Variants in CLASRP observed in about 807,000 individuals in gnomAD.
The protein encoded by CLASRP is CLK4-associating serine/arginine rich protein.
CLASRP carries 52 observed loss-of-function variants against 99.9 expected under a neutral mutation model. That is an observed-to-expected ratio of 0.52 (90% CI 0.42 to 0.66). The LOEUF is 0.66. CLASRP is among the 30% of genes least tolerant of loss of function. CLASRP has a pLI of 0.00. For synonymous variants in CLASRP, 379 were observed against 373.0 expected (o/e 1.02, Z -0.18); for missense variants, 848 against 999.2 (o/e 0.85, Z 2.04).
chr19:45,046,958 C>A lies in CLASRP; in HGVS notation c.100-5113C>A, dbSNP rs145093284. 1.2e-3 allele frequency among the ~76,000 whole-genome samples: 181 copies of A among 152,132 alleles called. 1 individual carries two copies. Among genetic ancestry groups the A allele is most frequent in the African/African-American group, 4.2e-3 (176 of 41,508 alleles). ...AGGAGAATCGCTTGAACCCGGGAGG[C>A]AGAGATTGTGGTTAGCCTAGATCAC... is the stretch of plus-strand genomic sequence containing the variant. On this transcript the variant is annotated intron_variant, in intron 2 of 20. Transcript: ENST00000221455.
chr19:45,064,659 G>A, intron 13 of CLASRP, 29 bp downstream of exon 13: 1 of 1,515,588 alleles, frequency 6.6e-7, no homozygotes, highest in Non-Finnish European at 8.8e-7. Flanking sequence ...GGAGGTGGGA[G>A]GGGCTGGGGG....
intron 13 of CLASRP, 34 bp downstream of exon 13, chr19:45,064,664 T>TG (rs761625564): frequency 1.1e-4 from 164 of 1,468,710 alleles, no homozygotes; most frequent in Middle Eastern, 9.7e-4. Context: ...TGGGAGGGGC[T>TG]GGGGGGGCGC....
At chr19:45,069,939 A>C (rs1249667495) in intron 18 of CLASRP, 83 bp from the exon 19 acceptor site, 5 of 786,200 alleles carry the variant, frequency 6.4e-6, no homozygotes, top group Non-Finnish European at 1.1e-5. Context: ...TCTTCCTCGG[A>C]GTAGGGTGTT....
chr19:45,041,160 G>A (rs1971805105), intron 2 of CLASRP, among the ~76,000 whole-genome samples: 1 of 151,550 alleles, frequency 6.6e-6, no homozygotes, highest in African/African-American at 2.4e-5. Context: ...GGGGGGCAGA[G>A]CGGAGCCTGC....
Position 45,067,369 on chromosome 19 carries a change from G to T in CLASRP, c.1442G>T (p.Arg481Leu). 6.6e-7 allele frequency: 1 copy of T among 1,526,418 alleles called. No homozygotes were observed. The highest frequency in any genetic ancestry group is 1.2e-5 in the South Asian group (1 of 82,350). 94.6% of individuals were successfully genotyped at this position (1,526,418 alleles called of 1,614,324 possible). ...SRSHSGDRYR[R>L]GGRGLRHHSS... ...TCCCACTCAGGGGACCGCTACAGGCGGGGCGGCCGGGGCCTCAGGCACCAC... is the reference window on the plus strand; with the variant it reads ...TCCCACTCAGGGGACCGCTACAGGCTGGGCGGCCGGGGCCTCAGGCACCAC... The change falls in exon 14 of 21, where the codon CGG becomes CTG. Residue 481 changes from arginine to leucine, a missense_variant. Transcript: ENST00000221455. The surrounding 1 kb of genome is among the most constrained non-coding windows in gnomAD (Gnocchi z 4.9).
At chr19:45,069,740 A>G in intron 18 of CLASRP, 1 of 484,166 alleles carries the variant, frequency 2.1e-6, no homozygotes, top group African/African-American at 1.9e-5. Flanking sequence ...AGACCATTTC[A>G]ACACTCACTG....
chr19:45,058,839 CCT>C (rs1972170739), intron 7 of CLASRP, among the ~76,000 whole-genome samples: 1 of 151,922 alleles, frequency 6.6e-6, no homozygotes, highest in Non-Finnish European at 1.5e-5. Context: ...TCTTTCCGCC[CCT>C]GTTCAGTCCT....
intron 2 of CLASRP, among the ~76,000 whole-genome samples, chr19:45,051,824 C>T (rs1435448310): frequency 6.6e-6 from 1 of 151,998 alleles, no homozygotes; most frequent in Admixed American, 6.6e-5. Context: ...AAAAATTAGT[C>T]GGGCATGGTG....
At position 45,060,670 on chromosome 19, in the gene CLASRP, G is replaced by A. The variant is rs766592049; in HGVS notation, c.863+43G>A. On this transcript the variant is annotated intron_variant, in intron 10 of 20. Coordinates refer to ENST00000221455, the MANE Select transcript of CLASRP (RefSeq NM_007056.3). The surrounding 1 kb of genome is among the most constrained non-coding windows in gnomAD (Gnocchi z 4.6). ...ACCCCCACCCTGCTGGCATCTGGGG[G>A]AGGAGAGCAGGGGCTTAGGGCCTGA... 3 of 1,477,738 alleles carry A rather than the reference G, an allele frequency of 2.0e-6. No individual in the cohort carries two copies. Among genetic ancestry groups the A allele is most frequent in the African/African-American group, 1.4e-5 (1 of 71,732 alleles). 91.5% of individuals were successfully genotyped at this position (1,477,738 alleles called of 1,614,324 possible). A position where few individuals can be genotyped will look rare whatever the true frequency, so the allele number is the denominator to read the frequency against.
At chr19:45,039,807 T>G (rs1356471467) in intron 1 of CLASRP, 2 of 169,106 alleles carry the variant, frequency 1.2e-5, no homozygotes, top group African/African-American at 4.8e-5. Flanking sequence ...AGTGGGAGCC[T>G]TTTCAGTTCT....
At chr19:45,048,520 C>G (rs1971963414) in intron 2 of CLASRP, among the ~76,000 whole-genome samples, 1 of 149,408 alleles carries the variant, frequency 6.7e-6, no homozygotes, top group South Asian at 2.1e-4. Flanking sequence ...GAGTGAAACT[C>G]TTGTCTCAAA....
chr19:45,046,636 G>T (rs1186247467), intron 2 of CLASRP, among the ~76,000 whole-genome samples: 1 of 152,212 alleles, frequency 6.6e-6, no homozygotes, highest in East Asian at 1.9e-4. Context: ...CTAGCACAAG[G>T]TCTGCTTAAC....
chr19:45,044,534 C>T (rs948177539), intron 2 of CLASRP, among the ~76,000 whole-genome samples: 6 of 152,196 alleles, frequency 3.9e-5, no homozygotes, highest in Non-Finnish European at 1.5e-5. Context: ...CTAAGCTTTT[C>T]ACCTGCGCCT....
At chr19:45,057,987 T>C in intron 7 of CLASRP, 89 bp downstream of exon 7, 2 of 1,532,592 alleles carry the variant, frequency 1.3e-6, no homozygotes, top group Middle Eastern at 2.3e-4. Flanking sequence ...CACCCCGTGC[T>C]TACGAACCGT....
intron 18 of CLASRP, chr19:45,069,515 G>T (rs1967183675): frequency 1.7e-6 from 1 of 580,448 alleles, no homozygotes; most frequent in Non-Finnish European, 3.1e-6. Flanking sequence ...TGTTTTTTTG[G>T]CCTGGCAAGC....
chr19:45,060,308 T>C lies in CLASRP; in HGVS notation c.711-81T>C, dbSNP rs144176112. ...GCGTGGGGTGACTCAGGTCCCTCAC[T>C]TTCTCTGATGACTCAGTCTGTGTCC... On this transcript the variant is annotated intron_variant, in intron 8 of 20. Coordinates refer to ENST00000221455, the MANE Select transcript of CLASRP (RefSeq NM_007056.3). This position sits in a 1 kb window ranked among gnomAD's most constrained non-coding sequence, Gnocchi z 4.6. 2.5e-4 allele frequency: 340 copies of C among 1,338,972 alleles called. 2 individuals are homozygous for C. The East Asian group carries it at 5.4e-3, about 21-fold the overall frequency. The allele number at this position is 1,338,972 out of a possible 1,614,324, so 82.9% of individuals were successfully genotyped here.
At chr19:45,064,319 C>G (rs973807621) in intron 12 of CLASRP, 24 bp from the exon 13 acceptor site, 8 of 1,515,984 alleles carry the variant, frequency 5.3e-6, no homozygotes, top group African/African-American at 1.4e-5. Flanking sequence ...CTGCGCTGAC[C>G]GGCCCTCCGT....
intron 5 of CLASRP, among the ~76,000 whole-genome samples, chr19:45,055,452 T>C (rs1012675920): frequency 7.2e-5 from 11 of 152,014 alleles, no homozygotes; most frequent in African/African-American, 2.4e-4. Flanking sequence ...AGACAACAAG[T>C]AGAAATTGGG....
At chr19:45,070,268 C>T (rs1012322577) in intron 19 of CLASRP, among the ~76,000 whole-genome samples, 164 bp downstream of exon 19, 10 of 152,124 alleles carry the variant, frequency 6.6e-5, no homozygotes, top group African/African-American at 1.9e-4. Context: ...GTCAGGAGTT[C>T]GAGACCAGCC....
Sources: gnomAD v4.1 joint callset for allele counts (sites outside exome capture counted in the v4.1 genomes callset) on GRCh38, gnomAD v4.1.1 for gene constraint, Gnocchi (gnomAD v3.1) non-coding constraint, MANE v1.5 for transcripts, NCBI Gene and HGNC (gene_info 2026-07-23, HGNC 2026-07-21) for gene names.